Variants in LCOR observed in about 807,000 individuals in gnomAD.
LCOR encodes ligand dependent nuclear receptor corepressor.
In LCOR, 14 loss-of-function variants were observed where a neutral mutation model predicts 64.4. That is an observed-to-expected ratio of 0.22 (90% CI 0.14 to 0.34). The LOEUF is 0.34. LCOR is among the 10% of genes least tolerant of loss of function. The probability of loss-of-function intolerance (pLI) is 1.00; values close to 1 mark genes in which losing one functional copy is unlikely to be tolerated. For missense variants in LCOR, 1,686 were observed against 1,765.3 expected (o/e 0.96, Z 0.80); for synonymous variants, 643 against 642.5 (o/e 1.00, Z -0.01).
chr10:96,967,616 G>A (rs1056504637), intron 7 of LCOR, among the ~76,000 whole-genome samples: 2 of 152,018 alleles, frequency 1.3e-5, no homozygotes, highest in Admixed American at 6.5e-5. Flanking sequence ...TACACAAATC[G>A]TATCTGTACG....
intron 2 of LCOR, among the ~76,000 whole-genome samples, chr10:96,901,006 A>G (rs1375082806): frequency 6.6e-6 from 1 of 151,744 alleles, no homozygotes; most frequent in Non-Finnish European, 1.5e-5. Flanking sequence ...TGGCTAACAC[A>G]GTGAAACCCC....
At chr10:96,912,607 T>TTCCTTCCTTC (rs1554836477) in intron 4 of LCOR, among the ~76,000 whole-genome samples, 21 of 140,390 alleles carry the variant, frequency 1.5e-4, no homozygotes, top group South Asian at 7.0e-4. Context: ...TTTCTTCCTT[T>TTCCTTCCTTC]CTTCCTTCCT....
Position 96,982,842 on chromosome 10 carries a change from C to T in LCOR, c.2382C>T (p.Asp794=), listed in dbSNP as rs1848105127. ...SEKDTYDTSI[D]SLEENLDKKK... ...AAGACACGTATGATACAAGCATTGA[C>T]TCACTCGAAGAGAATTTGGACAAGA... Residue 794 remains aspartate, a synonymous_variant, in exon 8 of 8, where the codon GAC becomes GAT. Transcript: ENST00000421806. 1 of 1,614,074 alleles carries T rather than the reference C, an allele frequency of 6.2e-7. No individual in the cohort carries two copies. The highest frequency in any genetic ancestry group is 1.3e-5 in the African/African-American group (1 of 75,030).
At chr10:96,896,145 C>T (rs576226788) in intron 2 of LCOR, among the ~76,000 whole-genome samples, 2 of 152,206 alleles carry the variant, frequency 1.3e-5, no homozygotes, top group Admixed American at 6.5e-5. Context: ...TCTCTAAATG[C>T]TGTCTTCGCT....
intron 2 of LCOR, among the ~76,000 whole-genome samples, chr10:96,859,504 G>C (rs191477503): frequency 6.6e-6 from 1 of 151,976 alleles, no homozygotes; most frequent in Non-Finnish European, 1.5e-5. Flanking sequence ...GAGCCACCGC[G>C]CCCAGCCTAG....
intron 4 of LCOR, among the ~76,000 whole-genome samples, chr10:96,924,578 C>T (rs1847136004): frequency 6.6e-6 from 1 of 152,014 alleles, no homozygotes; most frequent in African/African-American, 2.4e-5. Flanking sequence ...TAATTTCACA[C>T]TTACAGAAAA....
chr10:96,994,610 G>A lies in LCOR; in HGVS notation c.*9476G>A, dbSNP rs1386057378. 1 of 152,086 alleles carries A rather than the reference G, an allele frequency of 6.6e-6. No individual in the cohort carries two copies. 9.4% of individuals were successfully genotyped at this position (152,086 alleles called of 1,614,324 possible). A position where few individuals can be genotyped will look rare whatever the true frequency, so the allele number is the denominator to read the frequency against. On this transcript the variant is annotated 3_prime_UTR_variant, in exon 8 of 8. Coordinates refer to ENST00000421806, the MANE Select transcript of LCOR (RefSeq NM_001346516.2). ...AAACTTTCCCTTGCTGAGCCTGAAGGCAAGCAAGAGGGAAGAAATTGACCT... is the reference window on the plus strand; with the variant it reads ...AAACTTTCCCTTGCTGAGCCTGAAGACAAGCAAGAGGGAAGAAATTGACCT...
chr10:96,927,250 AT>A, intron 4 of LCOR, among the ~76,000 whole-genome samples: 1 of 152,022 alleles, frequency 6.6e-6, no homozygotes, highest in East Asian at 1.9e-4. Context: ...TTTAATTTTT[AT>A]TTCCCTGATA....
intron 2 of LCOR, among the ~76,000 whole-genome samples, chr10:96,842,718 C>T (rs1402281337): frequency 6.9e-6 from 1 of 144,114 alleles, no homozygotes; most frequent in Non-Finnish European, 1.5e-5. Context: ...GCATCCTTTT[C>T]CTCCCAGGTT....
chr10:96,889,611 T>G (rs1348162212), intron 2 of LCOR, among the ~76,000 whole-genome samples: 1 of 152,216 alleles, frequency 6.6e-6, no homozygotes, highest in Non-Finnish European at 1.5e-5. Flanking sequence ...GGACCCACCC[T>G]TCTGACCTCA....
chr10:96,883,271 G>A (rs561306406), intron 2 of LCOR, among the ~76,000 whole-genome samples: 1 of 152,276 alleles, frequency 6.6e-6, no homozygotes, highest in South Asian at 2.1e-4. Flanking sequence ...AACCTCAGGT[G>A]ATCTGCCTGC....
chr10:96,875,047 C>G (rs1428696870), intron 2 of LCOR, among the ~76,000 whole-genome samples: 3 of 151,970 alleles, frequency 2.0e-5, no homozygotes, highest in Non-Finnish European at 4.4e-5. Flanking sequence ...ACCCCCACCC[C>G]TTAAAATTTT....
rs1251434713 is a variant in LCOR, at chr10:96,987,859, C to T, written c.*2725C>T. 1 of 152,148 alleles carries T rather than the reference C, an allele frequency of 6.6e-6. No individual in the cohort carries two copies. The highest frequency in any genetic ancestry group is 1.5e-5 in the Non-Finnish European group (1 of 68,034). The allele number at this position is 152,148 out of a possible 1,614,324, so 9.4% of individuals were successfully genotyped here. ...TTGACTCAAGTCTGCTATTGTTTTC[C>T]CTACCTTGCAAAAACCTTCTTCCCA... On this transcript the variant is annotated 3_prime_UTR_variant, in exon 8 of 8. Coordinates refer to ENST00000421806, the MANE Select transcript of LCOR (RefSeq NM_001346516.2).
chr10:96,958,321 G>A, intron 7 of LCOR: 2 of 1,526,240 alleles, frequency 1.3e-6, no homozygotes, highest in Non-Finnish European at 1.8e-6. Context: ...CTATATAAGT[G>A]ATGTATGAGT....
chr10:96,864,134 C>T (rs536339336), intron 2 of LCOR, among the ~76,000 whole-genome samples: 2 of 152,204 alleles, frequency 1.3e-5, no homozygotes, highest in African/African-American at 4.8e-5. Context: ...GGAAGCACAT[C>T]ATAAAATACA....
intron 2 of LCOR, among the ~76,000 whole-genome samples, chr10:96,861,517 CACT>C (rs908224642): frequency 2.6e-4 from 39 of 152,126 alleles, no homozygotes; most frequent in Admixed American, 2.6e-3. Flanking sequence ...CTGCAGTGGA[CACT>C]AGGTGAGTCT....
chr10:96,887,891 G>C (rs974725906), intron 2 of LCOR, among the ~76,000 whole-genome samples: 1 of 151,304 alleles, frequency 6.6e-6, no homozygotes, highest in African/African-American at 2.4e-5. Flanking sequence ...ATGTTGGCCA[G>C]GCTGGTCTTG....
chr10:96,880,090 A>G (rs758249253), intron 2 of LCOR, among the ~76,000 whole-genome samples: 5 of 152,278 alleles, frequency 3.3e-5, no homozygotes, highest in Admixed American at 6.5e-5. Flanking sequence ...TTCACTGTTG[A>G]TACTGAAAAT....
chr10:96,916,458 G>GTCA (rs1846946395), intron 4 of LCOR, among the ~76,000 whole-genome samples: 1 of 151,742 alleles, frequency 6.6e-6, no homozygotes, highest in African/African-American at 2.4e-5. Flanking sequence ...TGACTTGCCT[G>GTCA]TCATCTTACA....
Sources: allele counts gnomAD v4.1 joint callset (sites outside exome capture counted in the v4.1 genomes callset), GRCh38; gene constraint gnomAD v4.1.1; transcripts MANE v1.5; gene names NCBI Gene and HGNC (gene_info 2026-07-23, HGNC 2026-07-21).